Variants in ERICH6B observed in about 807,000 individuals in gnomAD.
The protein encoded by ERICH6B is glutamate-rich protein 6B.
In ERICH6B, 69 loss-of-function variants were observed where a neutral mutation model predicts 80.0. The observed-to-expected ratio is 0.86, with a 90% confidence interval of 0.71 to 1.05. The LOEUF (loss-of-function observed/expected upper bound fraction) is 1.05, where lower values mean the gene tolerates loss of function less well. Among genes scored for constraint, ERICH6B ranks in the 50% least tolerant of loss-of-function variants. The pLI is 0.00. For synonymous variants in ERICH6B, 283 were observed against 291.9 expected (o/e 0.97, Z 0.31); for missense variants, 754 against 796.1 (o/e 0.95, Z 0.64).
intron 4 of ERICH6B, among the ~76,000 whole-genome samples, chr13:45,588,068 G>T (rs941894452): frequency 2.0e-5 from 3 of 152,198 alleles, no homozygotes; most frequent in Non-Finnish European, 4.4e-5. Flanking sequence ...TAAGTTACTT[G>T]TTTGCTATTG....
intron 2 of ERICH6B, among the ~76,000 whole-genome samples, chr13:45,598,732 T>G (rs919188003): frequency 6.6e-6 from 1 of 152,116 alleles, no homozygotes; most frequent in East Asian, 1.9e-4. Flanking sequence ...CCAGATCCCC[T>G]TTTCAAAGAA....
At chr13:45,545,575 A>G (rs1873960585) in intron 13 of ERICH6B, among the ~76,000 whole-genome samples, 1 of 152,234 alleles carries the variant, frequency 6.6e-6, no homozygotes, top group South Asian at 2.1e-4. Context: ...CCATCCTGCT[A>G]GATACCATTT....
chr13:45,585,910 G>A (rs529842892), intron 5 of ERICH6B, among the ~76,000 whole-genome samples: 1 of 152,196 alleles, frequency 6.6e-6, no homozygotes, highest in East Asian at 1.9e-4. Flanking sequence ...GTGTGAACAG[G>A]CTCGAGTCCC....
rs76362662 is a variant in ERICH6B, at chr13:45,601,123, G to C, written c.-58-4060C>G. Among the ~76,000 whole-genome samples, 117 of 152,196 alleles carry C rather than the reference G, an allele frequency of 7.7e-4. 1 individual carries two copies. The East Asian group carries it at 0.017, about 22-fold the overall frequency. ...CTGACGATGCCTTGATGTTTCCTCT[G>C]AGTTAATTTCCTATCCGTTGATTCC... is the stretch of plus-strand genomic sequence containing the variant. On this transcript the variant is annotated intron_variant, in intron 2 of 14. Transcript: ENST00000298738.
intron 11 of ERICH6B, among the ~76,000 whole-genome samples, chr13:45,555,956 C>T (rs1175242956): frequency 6.8e-6 from 1 of 148,060 alleles, no homozygotes; most frequent in Non-Finnish European, 1.5e-5. Flanking sequence ...GGCCTTTGCA[C>T]TTGTTGGCTC....
chr13:45,548,839 A>G (rs1874093486), intron 13 of ERICH6B, among the ~76,000 whole-genome samples: 1 of 152,274 alleles, frequency 6.6e-6, no homozygotes, highest in Admixed American at 6.5e-5. Context: ...TACCTCCAGA[A>G]CAAAGAAGAC....
intron 5 of ERICH6B, among the ~76,000 whole-genome samples, chr13:45,581,288 G>A (rs1477473696): frequency 6.6e-6 from 1 of 152,134 alleles, no homozygotes; most frequent in Non-Finnish European, 1.5e-5. Context: ...TTTCCCTAGT[G>A]TTTGTCTTCC....
At chr13:45,583,275 T>C (rs568821538) in intron 5 of ERICH6B, among the ~76,000 whole-genome samples, 1 of 152,320 alleles carries the variant, frequency 6.6e-6, no homozygotes, top group South Asian at 2.1e-4. Flanking sequence ...TGTCTTGACT[T>C]TTTTTGGCTC....
chr13:45,546,552 A>C (rs1400874426), intron 13 of ERICH6B, among the ~76,000 whole-genome samples: 3 of 152,186 alleles, frequency 2.0e-5, no homozygotes, highest in Non-Finnish European at 4.4e-5. Flanking sequence ...GTAGCTCCCT[A>C]CACATTCCTT....
chr13:45,599,735 A>G (rs941184245), intron 2 of ERICH6B, among the ~76,000 whole-genome samples: 1 of 152,094 alleles, frequency 6.6e-6, no homozygotes, highest in Non-Finnish European at 1.5e-5. Flanking sequence ...CTCCATTCTG[A>G]TTTGGTCTTG....
intron 8 of ERICH6B, among the ~76,000 whole-genome samples, chr13:45,574,234 C>T (rs1875288100): frequency 6.6e-6 from 1 of 152,078 alleles, no homozygotes; most frequent in South Asian, 2.1e-4. Context: ...ATGATGTTTC[C>T]CTCAGAATCA....
intron 5 of ERICH6B, among the ~76,000 whole-genome samples, chr13:45,584,997 C>T (rs1202584315): frequency 1.3e-5 from 2 of 152,190 alleles, no homozygotes; most frequent in Non-Finnish European, 2.9e-5. Flanking sequence ...TTTTGTGCTT[C>T]CTGGTTCATC....
intron 9 of ERICH6B, among the ~76,000 whole-genome samples, chr13:45,564,378 G>A (rs1054394988): frequency 6.6e-6 from 1 of 152,202 alleles, no homozygotes; most frequent in African/African-American, 2.4e-5. Flanking sequence ...GTGCTCTCCA[G>A]GGCAGCTGTG....
chr13:45,600,476 C>A (rs1194001189), intron 2 of ERICH6B, among the ~76,000 whole-genome samples: 1 of 152,074 alleles, frequency 6.6e-6, no homozygotes, highest in Non-Finnish European at 1.5e-5. Context: ...ATACATTGTA[C>A]TCATTAAGTA....
chr13:45,598,485 T>C (rs1426110875), intron 2 of ERICH6B, among the ~76,000 whole-genome samples: 1 of 152,122 alleles, frequency 6.6e-6, no homozygotes, highest in African/African-American at 2.4e-5. Flanking sequence ...ATACATATCT[T>C]GGCCTGCCTC....
In ERICH6B at chr13:45,541,665, C is replaced by T. The variant is rs2137949037; in HGVS notation, c.1888G>A (p.Val630Met). The change falls in exon 15 of 15, where the codon GTG (valine) becomes ATG (methionine). Residue 630 changes from valine (V) to methionine (M), a missense_variant. Physicochemically the swap from Val to Met is conservative, Grantham distance 21 (BLOSUM62 1). Coordinates refer to ENST00000298738, the MANE Select transcript of ERICH6B (RefSeq NM_182542.3). ...GTTTTCTTCTTCATTTCGCTCAGCA[C>T]CTCTGGGATCACAAACTGTGGGGAT... is the stretch of plus-strand genomic sequence containing the variant. ...GTRYKFVIPEVLSEMKKKTIL... is the reference protein window; with the variant it reads ...GTRYKFVIPEMLSEMKKKTIL... 3 of 1,550,326 alleles carry T rather than the reference C, an allele frequency of 1.9e-6. No homozygotes were observed. The highest frequency in any genetic ancestry group is 2.6e-6 in the Non-Finnish European group (3 of 1,147,006).
chr13:45,578,996 G>A (rs1875540538), intron 7 of ERICH6B, among the ~76,000 whole-genome samples: 1 of 152,240 alleles, frequency 6.6e-6, no homozygotes, highest in Non-Finnish European at 1.5e-5. Flanking sequence ...GCTGCTGTGA[G>A]CTGTTCTCAC....
chr13:45,603,970 C>T (rs981307027), intron 2 of ERICH6B, among the ~76,000 whole-genome samples: 2 of 152,184 alleles, frequency 1.3e-5, no homozygotes, highest in African/African-American at 4.8e-5. Context: ...AATACAGACC[C>T]CTCCCTTTCC....
intron 13 of ERICH6B, among the ~76,000 whole-genome samples, chr13:45,545,273 T>C (rs1873949760): frequency 6.6e-6 from 1 of 152,158 alleles, no homozygotes; most frequent in African/African-American, 2.4e-5. Context: ...GCCTGCAAAG[T>C]TCCCCTGCCC....
Sources: gnomAD v4.1 joint callset for allele counts (sites outside exome capture counted in the v4.1 genomes callset) on GRCh38, gnomAD v4.1.1 for gene constraint, MANE v1.5 for transcripts, NCBI Gene and HGNC (gene_info 2026-07-23, HGNC 2026-07-21) for gene names.